The following ARHGAP5 variants were observed in gnomAD, a reference collection of about 807,000 sequenced individuals.
ARHGAP5 encodes the protein rho GTPase-activating protein 5.
A neutral mutation model predicts 116.6 loss-of-function variants in ARHGAP5; 23 were observed. The ratio of observed to expected loss-of-function variants is 0.20; its 90% CI spans 0.14 to 0.28. ARHGAP5 has a LOEUF of 0.28. Among genes scored for constraint, ARHGAP5 ranks in the 10% least tolerant of loss-of-function variants. ARHGAP5 has a pLI of 1.00. For missense variants in ARHGAP5, 1,405 were observed against 1,774.8 expected (o/e 0.79, Z 3.74); for synonymous variants, 574 against 602.0 (o/e 0.95, Z 0.68).
At chr14:32,090,043 T>G (rs1878163874) in intron 1 of ARHGAP5, among the ~76,000 whole-genome samples, 1 of 151,962 alleles carries the variant, frequency 6.6e-6, no homozygotes, top group East Asian at 1.9e-4. Flanking sequence ...AATTCTGTTT[T>G]AAGGAATAAG....
chr14:32,141,258 TC>T (rs1043794936), intron 3 of ARHGAP5, among the ~76,000 whole-genome samples: 2 of 152,208 alleles, frequency 1.3e-5, no homozygotes, highest in African/African-American at 4.8e-5. Flanking sequence ...TTCTCTTTTA[TC>T]CATTCTACTA....
chr14:32,093,144 A>C lies in ARHGAP5; in HGVS notation c.2475A>C (p.Lys825Asn), dbSNP rs1878350226. The C allele has an allele frequency of 6.2e-7, 1 of 1,613,986 alleles. No homozygotes were observed. The highest frequency in any genetic ancestry group is 1.1e-5 in the South Asian group (1 of 91,070). The change falls in exon 2 of 7, where the codon AAA becomes AAC. Residue 825 changes from lysine (K) to asparagine (N), a missense_variant. By Grantham distance (94) the Lys-to-Asn change is moderately conservative. Coordinates refer to ENST00000345122, the MANE Select transcript of ARHGAP5 (RefSeq NM_001030055.2). ...TGCTTGATAAAATCATTGGTGAAAA[A>C]AGGAGGCGAATACAGATCACAATAT... ...SLMLDKIIGE[K>N]RRRIQITILS...
rs373451071 is a variant in ARHGAP5 at position 32,127,580 on chromosome 14, G to A, written c.3865+10293G>A. Among the ~76,000 whole-genome samples the A allele has an allele frequency of 2.5e-4, 38 of 152,294 alleles. No homozygotes were observed. In the East Asian group the frequency reaches 4.4e-3, roughly 18 times the overall value. On this transcript the variant is annotated intron_variant, in intron 3 of 6. Coordinates refer to ENST00000345122, the MANE Select transcript of ARHGAP5 (RefSeq NM_001030055.2). Reference sequence around the variant, plus strand: ...GTCTCCTATGTCTACTTCTTTCTACGCAGACACAGTAACAATCTGATCTCT... The same window carrying A: ...GTCTCCTATGTCTACTTCTTTCTACACAGACACAGTAACAATCTGATCTCT...
At chr14:32,135,047 A>T (rs1187648229) in intron 3 of ARHGAP5, among the ~76,000 whole-genome samples, 1 of 152,106 alleles carries the variant, frequency 6.6e-6, no homozygotes, top group Non-Finnish European at 1.5e-5. Flanking sequence ...ATGCTTGTCC[A>T]TTCCCAGCAT....
Position 32,092,305 on chromosome 14 carries a change from A to G in ARHGAP5, c.1636A>G (p.Ile546Val), listed in dbSNP as rs1376407983. 1.9e-6 allele frequency: 3 copies of G among 1,613,838 alleles called. No homozygotes were observed. The highest frequency in any genetic ancestry group is 2.5e-6 in the Non-Finnish European group (3 of 1,179,830). ...PDRESLLLKH[I>V]GFVYHPTKET... ...TAGGGAATCCCTTCTACTTAAGCATATAGGATTTGTTTATCATCCCACTAA... is the reference window on the plus strand; with the variant it reads ...TAGGGAATCCCTTCTACTTAAGCATGTAGGATTTGTTTATCATCCCACTAA... The change falls in exon 2 of 7, where the codon ATA (isoleucine) becomes GTA (valine). Residue 546 changes from isoleucine to valine, a missense_variant. By Grantham distance (29) the Ile-to-Val change is conservative (BLOSUM62 3). This residue lies in a region of ARHGAP5 where 944 missense variants were observed against 1,095.3 expected (regional missense o/e 0.86). Transcript: ENST00000345122. This position sits in a 1 kb window ranked among gnomAD's most constrained non-coding sequence, Gnocchi z 4.1.
At chr14:32,087,834 T>A (rs116282881) in intron 1 of ARHGAP5, among the ~76,000 whole-genome samples, 3,209 of 152,152 alleles carry the variant, frequency 0.021, 111 homozygotes, top group African/African-American at 0.072. Context: ...AAGATTCATA[T>A]TGCCACTGTC....
At chr14:32,105,027 C>T (rs1220579319) in intron 2 of ARHGAP5, among the ~76,000 whole-genome samples, 2 of 152,034 alleles carry the variant, frequency 1.3e-5, no homozygotes, top group African/African-American at 2.4e-5. Context: ...AACTGAATTG[C>T]AGAATTCACA....
intron 1 of ARHGAP5, among the ~76,000 whole-genome samples, chr14:32,084,173 CAT>C (rs1300562424): frequency 6.6e-6 from 1 of 152,146 alleles, no homozygotes; most frequent in Non-Finnish European, 1.5e-5. Flanking sequence ...TGGTTTTTCA[CAT>C]ATTTTCAGCA....
At chr14:32,152,368 A>G in intron 5 of ARHGAP5, 55 bp from the exon 6 acceptor site, 4 of 1,211,684 alleles carry the variant, frequency 3.3e-6, no homozygotes, top group Non-Finnish European at 4.8e-6. Context: ...AGCTTTATCA[A>G]ATATTTTTAA....
At chr14:32,152,603 G>A (rs1881694126) in intron 6 of ARHGAP5, 75 bp downstream of exon 6, 4 of 791,524 alleles carry the variant, frequency 5.1e-6, no homozygotes, top group Non-Finnish European at 4.0e-6. Flanking sequence ...TTTATAAATT[G>A]GATAATTATC....
At chr14:32,114,903 T>C (rs944261284) in intron 2 of ARHGAP5, among the ~76,000 whole-genome samples, 14 of 152,218 alleles carry the variant, frequency 9.2e-5, no homozygotes, top group African/African-American at 3.1e-4. Flanking sequence ...CCCACACATA[T>C]ACATTTTTCT....
chr14:32,142,740 G>A (rs774639643), intron 3 of ARHGAP5, among the ~76,000 whole-genome samples: 1 of 152,170 alleles, frequency 6.6e-6, no homozygotes, highest in African/African-American at 2.4e-5. Context: ...CACTAATCTG[G>A]GGTATTAGGG....
chr14:32,083,738 TTGTA>T (rs1326266131), intron 1 of ARHGAP5, among the ~76,000 whole-genome samples: 2 of 152,182 alleles, frequency 1.3e-5, no homozygotes, highest in Non-Finnish European at 1.5e-5. Flanking sequence ...CTAAAGTTGT[TTGTA>T]TGATGAAAAT....
chr14:32,119,486 C>T (rs1879775881), intron 3 of ARHGAP5, among the ~76,000 whole-genome samples: 1 of 152,010 alleles, frequency 6.6e-6, no homozygotes, highest in Non-Finnish European at 1.5e-5. Flanking sequence ...AATTTACATA[C>T]AATAAAATTT....
intron 2 of ARHGAP5, among the ~76,000 whole-genome samples, chr14:32,109,903 C>G (rs957329161): frequency 6.6e-6 from 1 of 151,836 alleles, no homozygotes; most frequent in African/African-American, 2.4e-5. Flanking sequence ...TTTTTTTCCC[C>G]CCACTGTTGG....
At chr14:32,113,395 T>C (rs953340087) in intron 2 of ARHGAP5, among the ~76,000 whole-genome samples, 7 of 152,232 alleles carry the variant, frequency 4.6e-5, no homozygotes, top group African/African-American at 1.7e-4. Flanking sequence ...CTCCCCTTGT[T>C]ATATGTATGG....
At chr14:32,109,779 C>T (rs901317323) in intron 2 of ARHGAP5, among the ~76,000 whole-genome samples, 1 of 152,108 alleles carries the variant, frequency 6.6e-6, no homozygotes, top group Non-Finnish European at 1.5e-5. Flanking sequence ...GCGAGTTATA[C>T]ATGCCTAAAT....
At chr14:32,110,083 A>G (rs1054793579) in intron 2 of ARHGAP5, among the ~76,000 whole-genome samples, 10 of 152,110 alleles carry the variant, frequency 6.6e-5, no homozygotes, top group African/African-American at 2.2e-4. Context: ...AGAGACCTCA[A>G]GTATCTCTTT....
chr14:32,146,298 A>C lies in ARHGAP5; in HGVS notation c.3901A>C (p.Asn1301His). 2 of 1,613,446 alleles carry C rather than the reference A, an allele frequency of 1.2e-6. No individual in the cohort carries two copies. Among genetic ancestry groups the C allele is most frequent in the Non-Finnish European group, 1.7e-6 (2 of 1,179,378 alleles). Reference sequence around the variant, plus strand: ...CGAAGGACTCTACCGTGTCAGCGGGAATAAAACTGACCAAGACAATATTCA... The same window carrying C: ...CGAAGGACTCTACCGTGTCAGCGGGCATAAAACTGACCAAGACAATATTCA... ...CTEGLYRVSG[N>H]KTDQDNIQKQ... is the part of the protein sequence containing the mutation. The change falls in exon 4 of 7, where the codon AAT becomes CAT. Residue 1301 changes from asparagine (N) to histidine (H), a missense_variant. Physicochemically the swap from Asn to His is moderately conservative, Grantham distance 68. This residue lies in a region of ARHGAP5 where 176 missense variants were observed against 221.2 expected (regional missense o/e 0.80). Transcript: ENST00000345122.
Sources: gnomAD v4.1 joint callset for allele counts (sites outside exome capture counted in the v4.1 genomes callset) on GRCh38, gnomAD v4.1.1 for gene constraint, gnomAD v4.1.1 regional missense constraint, Gnocchi (gnomAD v3.1) non-coding constraint, MANE v1.5 for transcripts, NCBI Gene and HGNC (gene_info 2026-07-23, HGNC 2026-07-21) for gene names.